Variants in RPS6KA2 observed in about 807,000 individuals in gnomAD.
RPS6KA2 encodes the protein ribosomal protein S6 kinase alpha-2.
A neutral mutation model predicts 91.8 loss-of-function variants in RPS6KA2; 42 were observed. The ratio of observed to expected loss-of-function variants is 0.46; its 90% CI spans 0.36 to 0.59. The LOEUF (loss-of-function observed/expected upper bound fraction) is 0.59, where lower values mean the gene tolerates loss of function less well. Ranked by LOEUF, RPS6KA2 falls within the 20% of genes least tolerant of loss-of-function variation. The probability of loss-of-function intolerance (pLI) is 0.00; values close to 1 mark genes in which losing one functional copy is unlikely to be tolerated. For missense variants in RPS6KA2, 798 were observed against 978.5 expected (o/e 0.82, Z 2.46); for synonymous variants, 414 against 393.6 (o/e 1.05, Z -0.61).
intron 2 of RPS6KA2, among the ~76,000 whole-genome samples, chr6:166,832,418 C>T (rs2128626935): frequency 6.6e-6 from 1 of 152,184 alleles, no homozygotes; most frequent in Middle Eastern, 3.4e-3. Context: ...TCTGACAGAC[C>T]CCAGAGCCCA....
chr6:166,676,248 C>T (rs1303814436), intron 2 of RPS6KA2, among the ~76,000 whole-genome samples: 4 of 149,928 alleles, frequency 2.7e-5, no homozygotes, highest in African/African-American at 7.4e-5. Context: ...AACCAGGAGG[C>T]GGAGGTTGCA....
rs367934271 is a variant in RPS6KA2, at chr6:166,546,728, A to G, written c.100-7944T>C. 2.0e-3 allele frequency among the ~76,000 whole-genome samples: 302 copies of G among 152,324 alleles called. 1 individual carries two copies. Among genetic ancestry groups the G allele is most frequent in the African/African-American group, 7.0e-3 (290 of 41,574 alleles). On this transcript the variant is annotated intron_variant, in intron 1 of 20. Coordinates refer to ENST00000265678, the MANE Select transcript of RPS6KA2 (RefSeq NM_021135.6). ...CTATCATCTTCTCCCAGACTCAATT[A>G]TCGATGTGTCCAATGTGATCTCCTC...
At chr6:166,817,198 C>T (rs901903626) in intron 2 of RPS6KA2, among the ~76,000 whole-genome samples, 2 of 87,834 alleles carry the variant, frequency 2.3e-5, no homozygotes, top group Non-Finnish European at 6.5e-5. Context: ...TCTTCCCCTG[C>T]TGCTCCCCCC....
intron 2 of RPS6KA2, among the ~76,000 whole-genome samples, chr6:166,853,502 T>C (rs1780801265): frequency 6.6e-6 from 1 of 152,198 alleles, no homozygotes; most frequent in African/African-American, 2.4e-5. Context: ...CCCAAAGCCA[T>C]TGAAGCTGGC....
At chr6:166,774,404 G>A (rs547031875) in intron 2 of RPS6KA2, among the ~76,000 whole-genome samples, 1 of 152,312 alleles carries the variant, frequency 6.6e-6, no homozygotes, top group African/African-American at 2.4e-5. Context: ...TTCAAGTGGT[G>A]CTGTGGCTGG....
Position 166,636,335 on chromosome 6 carries a change from C to T in RPS6KA2, c.124-97551G>A, listed in dbSNP as rs546967824. ...CCTATCTCGGACAGGCTTGAATCAG[C>T]GCCTCCCTGCAGAGGCCTTTCTGGA... On this transcript the variant is annotated intron_variant, in intron 2 of 21. Transcript: ENST00000503859. Among the ~76,000 whole-genome samples the T allele has an allele frequency of 4.6e-5, 7 of 151,846 alleles. No individual in the cohort carries two copies. In the South Asian group the frequency reaches 1.3e-3, roughly 27 times the overall value.
intron 1 of RPS6KA2, among the ~76,000 whole-genome samples, chr6:166,593,061 C>T (rs939553807): frequency 2.0e-5 from 3 of 152,192 alleles, no homozygotes; most frequent in African/African-American, 4.8e-5. Context: ...AGCAAAAGAG[C>T]AGTTCAGGAG....
At chr6:166,834,112 A>G (rs1427382185) in intron 2 of RPS6KA2, among the ~76,000 whole-genome samples, 1 of 152,184 alleles carries the variant, frequency 6.6e-6, no homozygotes, top group African/African-American at 2.4e-5. Flanking sequence ...ATGTTGCCCA[A>G]CTATTTTCCA....
intron 10 of RPS6KA2, chr6:166,475,693 C>A: frequency 2.0e-6 from 1 of 488,754 alleles, no homozygotes; most frequent in South Asian, 1.6e-5. Context: ...AGATCACACA[C>A]GAAGGCAGGG....
intron 2 of RPS6KA2, among the ~76,000 whole-genome samples, chr6:166,762,449 C>T (rs1035218913): frequency 8.5e-5 from 13 of 152,170 alleles, no homozygotes; most frequent in African/African-American, 1.4e-4. Context: ...AATTCCCCCA[C>T]GGCACCTGGC....
rs1277368864 is a variant in RPS6KA2 at position 166,648,926 on chromosome 6, T to C, written c.124-110142A>G. 6.6e-6 allele frequency among the ~76,000 whole-genome samples: 1 copy of C among 152,154 alleles called. No homozygotes were observed. Among genetic ancestry groups the C allele is most frequent in the East Asian group, 1.9e-4 (1 of 5,200 alleles). The stretch of plus-strand genomic sequence containing the variant: ...TTGCAGCGTCTCACCAATTCACCTG[T>C]CTCTCTAAGGCCACTGGCACCTCAT... On this transcript the variant is annotated intron_variant, in intron 2 of 21. Transcript: ENST00000503859. This position sits in a 1 kb window ranked among gnomAD's most constrained non-coding sequence, Gnocchi z 4.8.
chr6:166,449,456 T>C (rs905756363), intron 13 of RPS6KA2, among the ~76,000 whole-genome samples: 1 of 152,186 alleles, frequency 6.6e-6, no homozygotes, highest in Non-Finnish European at 1.5e-5. Flanking sequence ...ATAAGTTTAA[T>C]CATAATTAGA....
chr6:166,600,898 C>T (rs904435853), intron 1 of RPS6KA2, among the ~76,000 whole-genome samples: 4 of 152,194 alleles, frequency 2.6e-5, no homozygotes, highest in African/African-American at 9.6e-5. Flanking sequence ...TATATTATCC[C>T]TATTGAAATT....
Position 166,648,546 on chromosome 6 carries a change from T to C in RPS6KA2, c.124-109762A>G, listed in dbSNP as rs193136663. Among the ~76,000 whole-genome samples, 120 of 152,330 alleles carry C rather than the reference T, an allele frequency of 7.9e-4. No individual in the cohort carries two copies. Among genetic ancestry groups the C allele is most frequent in the Non-Finnish European group, 1.6e-3 (107 of 68,032 alleles). On this transcript the variant is annotated intron_variant, in intron 2 of 21. Transcript: ENST00000503859. The surrounding 1 kb of genome is among the most constrained non-coding windows in gnomAD (Gnocchi z 4.8). ...CGGGCATTTAATAAATGTTTCTGGA[T>C]TGAACACGTGAGTGAGTTCGTATAT...
At chr6:166,555,946 G>A in intron 1 of RPS6KA2, among the ~76,000 whole-genome samples, 1 of 152,180 alleles carries the variant, frequency 6.6e-6, no homozygotes, top group East Asian at 1.9e-4. Context: ...GAATCCTAGA[G>A]TGACAGTTGC....
intron 1 of RPS6KA2, among the ~76,000 whole-genome samples, chr6:166,577,085 G>A (rs1418303112): frequency 6.6e-6 from 1 of 152,244 alleles, no homozygotes; most frequent in East Asian, 1.9e-4. Flanking sequence ...TGTTGAGCCT[G>A]TGAGTGCACA....
intron 2 of RPS6KA2, among the ~76,000 whole-genome samples, chr6:166,636,027 T>C (rs1787229452): frequency 1.3e-5 from 2 of 152,204 alleles, no homozygotes; most frequent in Non-Finnish European, 2.9e-5. Flanking sequence ...TCTTACTTTC[T>C]TGCCAGTAAA....
intron 2 of RPS6KA2, among the ~76,000 whole-genome samples, chr6:166,667,672 T>G (rs1278045658): frequency 6.6e-6 from 1 of 152,160 alleles, no homozygotes; most frequent in African/African-American, 2.4e-5. Flanking sequence ...CCCGACCCCC[T>G]GCAATTGTGG....
chr6:166,589,711 GCA>G (rs1455626053), intron 1 of RPS6KA2, among the ~76,000 whole-genome samples: 1 of 152,208 alleles, frequency 6.6e-6, no homozygotes, highest in Non-Finnish European at 1.5e-5. Flanking sequence ...TGTGTCTCCA[GCA>G]TCTCTGCATG....
Sources: gnomAD v4.1 joint callset for allele counts (sites outside exome capture counted in the v4.1 genomes callset) on GRCh38, gnomAD v4.1.1 for gene constraint, Gnocchi (gnomAD v3.1) non-coding constraint, MANE v1.5 for transcripts, NCBI Gene and HGNC (gene_info 2026-07-23, HGNC 2026-07-21) for gene names.